The following TSG101 variants were observed in gnomAD, a reference collection of about 807,000 sequenced individuals.
The protein encoded by TSG101 is tumor susceptibility 101.
Under a neutral mutation model 48.5 loss-of-function variants are expected in TSG101, and 19 were observed. That is an observed-to-expected ratio of 0.39 (90% CI 0.27 to 0.58). TSG101 has a LOEUF of 0.58. Ranked by LOEUF, TSG101 falls within the 20% of genes least tolerant of loss-of-function variation. The pLI, the probability that TSG101 is intolerant of heterozygous loss-of-function variation, is 0.55. For missense variants in TSG101, 365 were observed against 484.4 expected, an observed-to-expected ratio of 0.75 and a Z score of 2.31; for synonymous variants, 174 against 169.4, an observed-to-expected ratio of 1.03 and a Z score of -0.21.
chr11:18,505,840 G>A (rs1849962487), intron 6 of TSG101, among the ~76,000 whole-genome samples: 1 of 152,028 alleles, frequency 6.6e-6, no homozygotes, highest in South Asian at 2.1e-4. Flanking sequence ...TTGTTTGAGA[G>A]AGAGTTTTGC....
chr11:18,520,163 A>G (rs1269625513), intron 1 of TSG101, among the ~76,000 whole-genome samples: 1 of 151,784 alleles, frequency 6.6e-6, no homozygotes, highest in Non-Finnish European at 1.5e-5. Flanking sequence ...TTTCATGACT[A>G]AATTATTTCA....
chr11:18,485,715 A>G (rs1849610646), intron 7 of TSG101, among the ~76,000 whole-genome samples: 1 of 152,244 alleles, frequency 6.6e-6, no homozygotes, highest in Non-Finnish European at 1.5e-5. Context: ...TGAACTGCTG[A>G]AGCTCTACTG....
At position 18,484,070 on chromosome 11, in the gene TSG101, G is replaced by C. The variant is rs1264876608; in HGVS notation, c.643C>G (p.Pro215Ala). ...PSQPPVTTVG[P>A]SRDGTISEDT... ...TCGCTGATTGTGCCATCCCTACTGG[G>C]ACCTGCAGGAAACAGAGGCAAAAAA... Residue 215 changes from proline (P) to alanine (A), a missense_variant and splice_region_variant, in exon 8 of 10, where the codon CCC becomes GCC. By Grantham distance (27) the Pro-to-Ala change is conservative. Transcript: ENST00000251968. 3.1e-6 allele frequency: 5 copies of C among 1,613,968 alleles called. No individual in the cohort carries two copies. In the East Asian group the frequency reaches 1.1e-4, roughly 36 times the overall value.
chr11:18,491,916 TCA>T (rs1268875954), intron 7 of TSG101, among the ~76,000 whole-genome samples: 1 of 152,228 alleles, frequency 6.6e-6, no homozygotes, highest in East Asian at 1.9e-4. Flanking sequence ...GAGCTCTCTT[TCA>T]CAGACTTAAT....
intron 6 of TSG101, among the ~76,000 whole-genome samples, chr11:18,503,471 C>T (rs1390290385): frequency 1.4e-5 from 2 of 147,926 alleles, no homozygotes; most frequent in African/African-American, 5.0e-5. Context: ...TTCCTGGGTT[C>T]ACGCCATTCT....
rs576529783 is a variant in TSG101, at chr11:18,504,439, A to C, written c.549-1862T>G. On this transcript the variant is annotated intron_variant, in intron 6 of 9. Coordinates refer to ENST00000251968, the MANE Select transcript of TSG101 (RefSeq NM_006292.4). Reference sequence around the variant, plus strand: ...AAGCAAAATCAGACAAAAAAAAAAGAAAGCATTTTTGTTCCTAGTGGACAC... The same window carrying C: ...AAGCAAAATCAGACAAAAAAAAAAGCAAGCATTTTTGTTCCTAGTGGACAC... Among the ~76,000 whole-genome samples, 9 of 152,222 alleles carry C rather than the reference A, an allele frequency of 5.9e-5. No homozygotes were observed. The East Asian group carries it at 9.6e-4, about 16-fold the overall frequency.
At chr11:18,520,348 CAAGTATACAG>C (rs955641106) in intron 1 of TSG101, among the ~76,000 whole-genome samples, 20 of 152,148 alleles carry the variant, frequency 1.3e-4, no homozygotes, top group Admixed American at 2.6e-4. Context: ...CTCAGCCTCC[CAAGTATACAG>C]AACTACAGGC....
At chr11:18,524,180 G>C (rs989187789) in intron 1 of TSG101, among the ~76,000 whole-genome samples, 2 of 152,242 alleles carry the variant, frequency 1.3e-5, no homozygotes, top group Non-Finnish European at 2.9e-5. Flanking sequence ...CTGTATGTAT[G>C]AAACATCTAA....
In TSG101 at chr11:18,526,925, G is replaced by A. The variant is rs1850388716; in HGVS notation, c.-109C>T. On this transcript the variant is annotated 5_prime_UTR_variant, in exon 1 of 10. Transcript: ENST00000251968. ...ACCCCCAACCCGGCCTCAAACAACAGGAAGTCGGCACCACTACACCACTTC... is the reference window on the plus strand; with the variant it reads ...ACCCCCAACCCGGCCTCAAACAACAAGAAGTCGGCACCACTACACCACTTC... 2.4e-6 allele frequency: 3 copies of A among 1,263,374 alleles called. No individual in the cohort carries two copies. Among genetic ancestry groups the A allele is most frequent in the East Asian group, 5.2e-5 (2 of 38,802 alleles). 78.3% of individuals were successfully genotyped at this position (1,263,374 alleles called of 1,614,324 possible).
Position 18,516,142 on chromosome 11 carries a change from C to T in TSG101, c.150G>A (p.Arg50=). Residue 50 remains arginine (R), a synonymous_variant, in exon 3 of 10, where the codon AGG becomes AGA. Coordinates refer to ENST00000251968, the MANE Select transcript of TSG101 (RefSeq NM_006292.4). ...TTGTTCCAGTGAGGTTCATTAGTTCCCTGGAACTGCCATCGTTAAAAACTG... is the reference window on the plus strand; with the variant it reads ...TTGTTCCAGTGAGGTTCATTAGTTCTCTGGAACTGCCATCGTTAAAAACTG... ...DSYVFNDGSS[R]ELMNLTGTIP... 2 of 1,613,818 alleles carry T rather than the reference C, an allele frequency of 1.2e-6. No homozygotes were observed. Among genetic ancestry groups the T allele is most frequent in the Non-Finnish European group, 1.7e-6 (2 of 1,179,916 alleles).
At chr11:18,491,391 AT>A (rs2133908488) in intron 7 of TSG101, among the ~76,000 whole-genome samples, 1 of 152,298 alleles carries the variant, frequency 6.6e-6, no homozygotes, top group South Asian at 2.1e-4. Context: ...TGGTGTCTAT[AT>A]GACCAAGTCC....
At chr11:18,515,927 G>A (rs532166009) in intron 3 of TSG101, among the ~76,000 whole-genome samples, 172 bp downstream of exon 3, 1 of 152,208 alleles carries the variant, frequency 6.6e-6, no homozygotes, top group Non-Finnish European at 1.5e-5. Context: ...TTTTAAGAAA[G>A]CTGAAAATGT....
chr11:18,520,130 T>C (rs1366966561), intron 1 of TSG101, among the ~76,000 whole-genome samples: 1 of 152,224 alleles, frequency 6.6e-6, no homozygotes, highest in Non-Finnish European at 1.5e-5. Context: ...CTCTACAGAT[T>C]TGCTTATTCA....
At chr11:18,515,882 A>C (rs572979113) in intron 3 of TSG101, among the ~76,000 whole-genome samples, 1 of 152,372 alleles carries the variant, frequency 6.6e-6, no homozygotes, top group East Asian at 1.9e-4. Flanking sequence ...TGGTGAACTT[A>C]GGCACTTATT....
chr11:18,480,842 G>C (rs1460116301), intron 9 of TSG101, among the ~76,000 whole-genome samples: 1 of 152,156 alleles, frequency 6.6e-6, no homozygotes, highest in Non-Finnish European at 1.5e-5. Context: ...GCAGGATCTG[G>C]CTCAGGAGTT....
intron 5 of TSG101, among the ~76,000 whole-genome samples, chr11:18,508,992 T>TA (rs2133923982): frequency 6.6e-6 from 1 of 152,258 alleles, no homozygotes; most frequent in South Asian, 2.1e-4. Context: ...ACAGAGATAA[T>TA]ATATTCCAAT....
At position 18,516,216 on chromosome 11, in the gene TSG101, A is replaced by G. The variant is rs140265012; in HGVS notation, c.128-52T>C. 2,291 of 1,507,610 alleles carry G rather than the reference A, an allele frequency of 1.5e-3. 34 individuals carry two copies. The African/African-American group carries it at 0.027, about 17-fold the overall frequency. The allele number at this position is 1,507,610 out of a possible 1,614,324, so 93.4% of individuals were successfully genotyped here. ...CATGAGCATTTTTTAAGATACTCCC[A>G]TAAGTTATTCTTTCAGAAAGACTGG... On this transcript the variant is annotated intron_variant, in intron 2 of 9. Transcript: ENST00000251968.
chr11:18,516,066 G>A (rs1196247619), intron 3 of TSG101, 33 bp downstream of exon 3: 2 of 1,578,384 alleles, frequency 1.3e-6, no homozygotes, highest in Admixed American at 3.4e-5. Context: ...TATTCAAAAT[G>A]CATCTATGCT....
intron 7 of TSG101, among the ~76,000 whole-genome samples, chr11:18,499,402 A>ATATATATATATATATAT: frequency 1.8e-4 from 1 of 5,454 alleles, no homozygotes; most frequent in African/African-American, 5.0e-4. Flanking sequence ...ATATATATAT[A>ATATATATATATATATAT]TTTTTTTTTT....
Sources: gnomAD v4.1 joint callset for allele counts (sites outside exome capture counted in the v4.1 genomes callset) on GRCh38, gnomAD v4.1.1 for gene constraint, MANE v1.5 for transcripts, NCBI Gene and HGNC (gene_info 2026-07-23, HGNC 2026-07-21) for gene names.